SGF29: variants seen among roughly 807,000 people sequenced by gnomAD.
SGF29 encodes the protein SAGA complex associated factor 29.
Under a neutral mutation model 38.1 loss-of-function variants are expected in SGF29, and 15 were observed. The observed-to-expected ratio is 0.39, with a 90% CI of 0.26 to 0.61. The LOEUF (loss-of-function observed/expected upper bound fraction) is 0.61, where lower values mean the gene tolerates loss of function less well. SGF29 is among the 20% of genes least tolerant of loss of function. SGF29 has a pLI of 0.49. For synonymous variants in SGF29, 151 were observed against 160.8 expected (o/e 0.94, Z 0.46); for missense variants, 184 against 394.6 (o/e 0.47, Z 4.52).
At chr16:28,589,227 A>T in intron 5 of SGF29, 63 bp downstream of exon 5, 1 of 1,575,978 alleles carries the variant, frequency 6.3e-7, no homozygotes, top group Non-Finnish European at 8.7e-7. Context: ...CCCTGCGGGC[A>T]GCAGTCACCC....
intron 1 of SGF29, among the ~76,000 whole-genome samples, chr16:28,564,643 G>GCATATA: frequency 1.0e-5 from 1 of 97,458 alleles, no homozygotes; most frequent in Non-Finnish European, 2.2e-5. Flanking sequence ...ACGTATATAT[G>GCATATA]TGTATATATA....
chr16:28,581,155 A>G lies in SGF29; in HGVS notation c.75+11A>G. On this transcript the variant is annotated intron_variant, in intron 2 of 9. Coordinates refer to ENST00000317058, the MANE Select transcript of SGF29 (RefSeq NM_138414.3). ...ATCAAACAAACCCAGGTAAAAAGTCACCACCCTCCATTCCCAGATGGGAAC... is the reference window on the plus strand; with the variant it reads ...ATCAAACAAACCCAGGTAAAAAGTCGCCACCCTCCATTCCCAGATGGGAAC... The G allele has an allele frequency of 6.2e-7, 1 of 1,612,744 alleles. No homozygotes were observed. The highest frequency in any genetic ancestry group is 1.3e-5 in the African/African-American group (1 of 74,970).
rs369742037 is a variant in SGF29 at position 28,564,699 on chromosome 16, A to G, written c.-16+10602A>G. 2.6e-3 allele frequency among the ~76,000 whole-genome samples: 211 copies of G among 80,196 alleles called. 2 individuals are homozygous for G. Among genetic ancestry groups the G allele is most frequent in the African/African-American group, 8.3e-3 (175 of 21,032 alleles). 52.6% of individuals were successfully genotyped at this position (80,196 alleles called of 152,430 possible). A position where few individuals can be genotyped will look rare whatever the true frequency, so the allele number is the denominator to read the frequency against. On this transcript the variant is annotated intron_variant, in intron 1 of 9. Coordinates refer to ENST00000317058, the MANE Select transcript of SGF29 (RefSeq NM_138414.3). ...TGTATATATATGTGTATATATATGT[A>G]TATATATACATATATATGTATATAT...
intron 1 of SGF29, among the ~76,000 whole-genome samples, chr16:28,574,815 C>G (rs892971448): frequency 1.3e-5 from 2 of 152,188 alleles, no homozygotes; most frequent in African/African-American, 2.4e-5. Context: ...TTAGCAACAG[C>G]CTGCATGCTG....
chr16:28,569,117 AAG>A (rs1169052491), intron 1 of SGF29, among the ~76,000 whole-genome samples: 1 of 151,952 alleles, frequency 6.6e-6, no homozygotes, highest in African/African-American at 2.4e-5. Flanking sequence ...AAAAGAAAGA[AAG>A]AAATAAAAAT....
At chr16:28,571,331 C>T (rs1157052902) in intron 1 of SGF29, among the ~76,000 whole-genome samples, 3 of 152,004 alleles carry the variant, frequency 2.0e-5, no homozygotes, top group Non-Finnish European at 4.4e-5. Context: ...TGGTGGCTCA[C>T]GCCTGTAATC....
At chr16:28,563,268 C>T (rs1056922867) in intron 1 of SGF29, among the ~76,000 whole-genome samples, 3 of 152,146 alleles carry the variant, frequency 2.0e-5, no homozygotes, top group South Asian at 4.1e-4. Context: ...TGTTGCCATT[C>T]GCCAGATACG....
intron 5 of SGF29, 146 bp from the exon 6 acceptor site, chr16:28,589,950 C>T (rs1342312280): frequency 5.3e-5 from 62 of 1,166,148 alleles, no homozygotes; most frequent in Middle Eastern, 2.9e-4. Context: ...GACACATGGC[C>T]GATGGGGTCA....
chr16:28,585,239 G>A (rs1367739169), intron 3 of SGF29: 8 of 520,806 alleles, frequency 1.5e-5, no homozygotes, highest in East Asian at 3.1e-5. Context: ...GCACACAAGC[G>A]CCCCAGTTAG....
At chr16:28,567,761 A>C (rs72622204) in intron 1 of SGF29, among the ~76,000 whole-genome samples, 5,703 of 152,262 alleles carry the variant, frequency 0.037, 227 homozygotes, top group East Asian at 0.21. Context: ...TCAGATGGAA[A>C]TGAGGAACAT....
At chr16:28,591,468 G>C (rs1183739434) in intron 9 of SGF29, 122 bp from the exon 10 acceptor site, 11 of 726,454 alleles carry the variant, frequency 1.5e-5, no homozygotes, top group African/African-American at 8.7e-5. Context: ...CCAGAGTGAA[G>C]GATGTTAGGA....
At chr16:28,585,426 CAG>C in intron 3 of SGF29, 1 of 595,610 alleles carries the variant, frequency 1.7e-6, no homozygotes, top group Non-Finnish European at 3.0e-6. Flanking sequence ...AAAGGTAAGA[CAG>C]TACTCTCGCA....
intron 1 of SGF29, among the ~76,000 whole-genome samples, chr16:28,578,709 G>A (rs7190771): frequency 0.32 from 47,852 of 149,036 alleles, 8,541 homozygotes; most frequent in Non-Finnish European, 0.38. Flanking sequence ...AAAAGAGGGC[G>A]AGGTGGGTGG....
chr16:28,590,151 C>T lies in SGF29; in HGVS notation c.345C>T (p.Arg115=). 6.2e-7 allele frequency: 1 copy of T among 1,611,738 alleles called. No individual in the cohort carries two copies. The highest frequency in any genetic ancestry group is 8.5e-7 in the Non-Finnish European group (1 of 1,179,272). The part of the protein sequence containing the change: ...NDSEPPRKTM[R]RGVLMTLLQQ... ...CGGAGCCACCCCGGAAGACCATGCG[C>T]AGAGGGGTGCTGATGACCCTGCTGC... The change falls in exon 6 of 10, where the codon CGC becomes CGT. Residue 115 remains arginine, a synonymous_variant. Transcript: ENST00000317058. The surrounding 1 kb of genome is among the most constrained non-coding windows in gnomAD (Gnocchi z 8.2).
At chr16:28,576,303 G>T (rs983168263) in intron 1 of SGF29, among the ~76,000 whole-genome samples, 3 of 152,068 alleles carry the variant, frequency 2.0e-5, no homozygotes, top group African/African-American at 7.2e-5. Context: ...CGGGTACTGG[G>T]CATAATACCT....
rs1267997721 is a variant in SGF29, at chr16:28,567,216, A to G, written c.-16+13119A>G. ...CATAGTAATTTGGGGTCTTTTCTGG[A>G]TAGAGATGTTCAACCAGTGAGTGAG... On this transcript the variant is annotated intron_variant, in intron 1 of 9. Coordinates refer to ENST00000317058, the MANE Select transcript of SGF29 (RefSeq NM_138414.3). 6.6e-5 allele frequency among the ~76,000 whole-genome samples: 10 copies of G among 152,132 alleles called. 1 individual carries two copies. The highest frequency in any genetic ancestry group is 3.9e-4 in the Admixed American group (6 of 15,254).
intron 1 of SGF29, among the ~76,000 whole-genome samples, chr16:28,569,738 G>A (rs1450816117): frequency 4.6e-5 from 7 of 152,224 alleles, no homozygotes; most frequent in Non-Finnish European, 1.0e-4. Flanking sequence ...TAGTATGGAT[G>A]TGGAAGCCAG....
At chr16:28,580,959 C>T in intron 1 of SGF29, 96 bp from the exon 2 acceptor site, 1 of 916,054 alleles carries the variant, frequency 1.1e-6, no homozygotes, top group Admixed American at 2.1e-5. Context: ...GGGATTACAG[C>T]ATGAGCCTCC....
chr16:28,565,996 G>A (rs892173939), intron 1 of SGF29, among the ~76,000 whole-genome samples: 1 of 151,372 alleles, frequency 6.6e-6, no homozygotes, highest in Non-Finnish European at 1.5e-5. Flanking sequence ...CTTGGGGGCC[G>A]GGCACGGTGG....
Sources: allele counts gnomAD v4.1 joint callset (sites outside exome capture counted in the v4.1 genomes callset), GRCh38; gene constraint gnomAD v4.1.1; non-coding constraint Gnocchi (gnomAD v3.1); transcripts MANE v1.5; gene names NCBI Gene and HGNC (gene_info 2026-07-23, HGNC 2026-07-21).